Variants in EFCAB5 observed in about 807,000 individuals in gnomAD.
EFCAB5 encodes EF-hand calcium-binding domain-containing protein 5.
A neutral mutation model predicts 167.9 loss-of-function variants in EFCAB5; 131 were observed. The observed-to-expected ratio is 0.78, with a 90% CI of 0.68 to 0.90. The LOEUF (loss-of-function observed/expected upper bound fraction) is 0.90. Ranked by LOEUF, EFCAB5 falls within the 40% of genes least tolerant of loss-of-function variation. The pLI, the probability that EFCAB5 is intolerant of heterozygous loss-of-function variation, is 0.00. For synonymous variants in EFCAB5, 574 were observed against 602.8 expected (o/e 0.95, Z 0.70); for missense variants, 1,663 against 1,745.2 (o/e 0.95, Z 0.84).
chr17:30,026,313 A>G (rs533112483), intron 7 of EFCAB5, among the ~76,000 whole-genome samples: 1 of 151,936 alleles, frequency 6.6e-6, no homozygotes, highest in Admixed American at 6.6e-5. Flanking sequence ...TTGAAAAGAC[A>G]TAGAAGTCTT....
intron 7 of EFCAB5, among the ~76,000 whole-genome samples, chr17:30,026,440 C>T (rs577564569): frequency 6.6e-6 from 1 of 152,200 alleles, no homozygotes; most frequent in South Asian, 2.1e-4. Flanking sequence ...ATCATTTAAT[C>T]TGACAGAGGA....
intron 7 of EFCAB5, among the ~76,000 whole-genome samples, chr17:30,004,622 CTTTT>C (rs770320423): frequency 7.4e-6 from 1 of 135,736 alleles, no homozygotes; most frequent in Non-Finnish European, 1.6e-5. Context: ...TCTGTGGGCA[CTTTT>C]TTTTTTTTTT....
At chr17:29,996,272 G>C in intron 5 of EFCAB5, 40 bp from the exon 6 acceptor site, 1 of 1,478,984 alleles carries the variant, frequency 6.8e-7, no homozygotes, top group Non-Finnish European at 9.2e-7. Context: ...CTGAGGAGTG[G>C]CATATGGTTT....
chr17:30,065,737 C>T (rs1445156839), intron 14 of EFCAB5: 1 of 151,942 alleles, frequency 6.6e-6, no homozygotes, highest in Non-Finnish European at 1.5e-5. Flanking sequence ...CCAGTAAAGA[C>T]ATATATAGAC....
At chr17:30,051,512 A>G (rs2070096466) in intron 9 of EFCAB5, among the ~76,000 whole-genome samples, 1 of 152,232 alleles carries the variant, frequency 6.6e-6, no homozygotes, top group Admixed American at 6.5e-5. Flanking sequence ...TGCTTTAGTG[A>G]CAGTCTGAAT....
At chr17:29,996,251 A>G in intron 5 of EFCAB5, 61 bp from the exon 6 acceptor site, 5 of 1,367,972 alleles carry the variant, frequency 3.7e-6, no homozygotes, top group Non-Finnish European at 4.0e-6. Context: ...AAAATAACAA[A>G]TATGTGGTAA....
chr17:29,995,894 A>G (rs1168272964), intron 5 of EFCAB5, among the ~76,000 whole-genome samples: 1 of 152,174 alleles, frequency 6.6e-6, no homozygotes, highest in Admixed American at 6.5e-5. Context: ...TTCATAAAAC[A>G]CCAGTGATTT....
At chr17:30,036,104 A>G (rs1399002461) in intron 8 of EFCAB5, among the ~76,000 whole-genome samples, 3 of 143,768 alleles carry the variant, frequency 2.1e-5, no homozygotes, top group African/African-American at 7.6e-5. Context: ...ATATTTATAC[A>G]TATTTAATAT....
In EFCAB5 at chr17:30,053,585, T is replaced by C. The variant is rs532065107; in HGVS notation, c.1631T>C (p.Ile544Thr). ...CAAGAACTGTACATAGAATCAGTAA[T>C]AGAACCAGGAACACACACAGAGTCA... ...AEQELYIESV[I>T]EPGTHTESTL... Residue 544 changes from isoleucine (I) to threonine (T), a missense_variant, in exon 10 of 23, where the codon ATA becomes ACA. Ile to Thr is a moderately conservative substitution (Grantham distance 89, BLOSUM62 -1). Coordinates refer to ENST00000394835, the MANE Select transcript of EFCAB5 (RefSeq NM_198529.4). 16 of 1,613,728 alleles carry C rather than the reference T, an allele frequency of 9.9e-6. No individual in the cohort carries two copies. The Admixed American group carries it at 1.7e-4, about 17-fold the overall frequency.
At chr17:30,026,621 A>G (rs376318068) in intron 7 of EFCAB5, among the ~76,000 whole-genome samples, 1 of 152,168 alleles carries the variant, frequency 6.6e-6, no homozygotes, top group East Asian at 1.9e-4. Flanking sequence ...TTAGTTGTAC[A>G]TGTTCCTCTC....
intron 8 of EFCAB5, among the ~76,000 whole-genome samples, chr17:30,043,404 T>G (rs982466933): frequency 6.6e-6 from 1 of 150,476 alleles, no homozygotes; most frequent in Non-Finnish European, 1.5e-5. Flanking sequence ...GCCAATTAAA[T>G]AAAGCAAGGA....
At chr17:29,988,838 T>C (rs766154538) in intron 4 of EFCAB5, among the ~76,000 whole-genome samples, 6 of 152,294 alleles carry the variant, frequency 3.9e-5, no homozygotes, top group Non-Finnish European at 7.4e-5. Context: ...AAAGTCACTC[T>C]ACAAGATCTT....
chr17:30,012,622 G>C (rs986818384), intron 7 of EFCAB5, among the ~76,000 whole-genome samples: 2 of 152,134 alleles, frequency 1.3e-5, no homozygotes, highest in Non-Finnish European at 2.9e-5. Flanking sequence ...AGTGCAGCCT[G>C]GTATTTGGGG....
At chr17:29,966,461 T>C (rs945561707) in intron 3 of EFCAB5, among the ~76,000 whole-genome samples, 3 of 152,124 alleles carry the variant, frequency 2.0e-5, no homozygotes, top group African/African-American at 7.2e-5. Context: ...TAAGACTTTG[T>C]CTTTATCAAA....
chr17:30,006,894 C>T (rs888050834), intron 7 of EFCAB5, among the ~76,000 whole-genome samples: 9 of 152,138 alleles, frequency 5.9e-5, no homozygotes, highest in Non-Finnish European at 2.9e-5. Context: ...TGGATTCAAG[C>T]GATCCTTCCA....
intron 7 of EFCAB5, among the ~76,000 whole-genome samples, chr17:30,003,755 C>A (rs915838889): frequency 6.6e-5 from 10 of 152,076 alleles, no homozygotes; most frequent in Non-Finnish European, 1.3e-4. Flanking sequence ...GCTTTAAAAT[C>A]CTTCTCAGAT....
At chr17:30,096,734 C>T (rs1420963612) in intron 22 of EFCAB5, among the ~76,000 whole-genome samples, 3 of 125,612 alleles carry the variant, frequency 2.4e-5, no homozygotes, top group Middle Eastern at 0.013. Flanking sequence ...GGTTGGAATG[C>T]AGTGGCCCAA....
upstream of EFCAB5, among the ~76,000 whole-genome samples, chr17:29,937,252 T>A (rs1021141557): frequency 5.9e-5 from 9 of 152,026 alleles, no homozygotes; most frequent in Admixed American, 3.9e-4. Flanking sequence ...AGTGGTGCAA[T>A]CTCGGCTCAC....
At chr17:30,019,108 A>C (rs1158183159) in intron 7 of EFCAB5, among the ~76,000 whole-genome samples, 6 of 152,170 alleles carry the variant, frequency 3.9e-5, no homozygotes, top group African/African-American at 1.4e-4. Flanking sequence ...TTAGAGTAAG[A>C]GAGGAAGAGA....
Sources: gnomAD v4.1 joint callset for allele counts (sites outside exome capture counted in the v4.1 genomes callset) on GRCh38, gnomAD v4.1.1 for gene constraint, MANE v1.5 for transcripts, NCBI Gene and HGNC (gene_info 2026-07-23, HGNC 2026-07-21) for gene names.